MAEA: variants seen among roughly 807,000 people sequenced by gnomAD.
The protein encoded by MAEA is E3 ubiquitin-protein transferase MAEA.
A neutral mutation model predicts 46.2 loss-of-function variants in MAEA; 22 were observed. The observed-to-expected ratio is 0.48, with a 90% confidence interval of 0.34 to 0.68. The LOEUF (loss-of-function observed/expected upper bound fraction) is 0.68. MAEA is among the 30% of genes least tolerant of loss of function. The pLI is 0.01. For missense variants in MAEA, 393 were observed against 558.1 expected (o/e 0.70, Z 2.98); for synonymous variants, 246 against 222.6 (o/e 1.11, Z -0.94).
Position 1,323,038 on chromosome 4 carries a change from C to T in MAEA, c.579+535C>T, listed in dbSNP as rs572604098. Among the ~76,000 whole-genome samples, 15 of 144,178 alleles carry T rather than the reference C, an allele frequency of 1.0e-4. No homozygotes were observed. The South Asian group carries it at 1.3e-3, about 13-fold the overall frequency. The allele number at this position is 144,178 out of a possible 152,430, so 94.6% of individuals were successfully genotyped here. A position where few individuals can be genotyped will look rare whatever the true frequency, so the allele number is the denominator to read the frequency against. On this transcript the variant is annotated intron_variant, in intron 4 of 8. Coordinates refer to ENST00000303400, the MANE Select transcript of MAEA (RefSeq NM_001017405.3). ...GGCACGATCTTGGCTCACTTGCCTC[C>T]GGTGTTCAAGCGATTCTCTTGCCTT... is the stretch of plus-strand genomic sequence containing the variant.
intron 1 of MAEA, among the ~76,000 whole-genome samples, chr4:1,293,235 T>C (rs1466802431): frequency 2.0e-5 from 3 of 151,718 alleles, no homozygotes; most frequent in African/African-American, 7.3e-5. Flanking sequence ...ATTATAAAAG[T>C]AATTTGATGA....
Position 1,332,800 on chromosome 4 carries a change from G to A in MAEA, c.700G>A (p.Asp234Asn). The A allele has an allele frequency of 3.7e-6, 6 of 1,613,350 alleles. No individual in the cohort carries two copies. Among genetic ancestry groups the A allele is most frequent in the Non-Finnish European group, 5.1e-6 (6 of 1,179,804 alleles). The change falls in exon 6 of 9, where the codon GAC (aspartate) becomes AAC (asparagine). Residue 234 changes from aspartate (D) to asparagine (N), a missense_variant. Coordinates refer to ENST00000303400, the MANE Select transcript of MAEA (RefSeq NM_001017405.3). ...HFSQAEGSQL[D>N]EVRQAMGMLA... ...CAGCCAAGCAGAAGGGAGCCAGCTG[G>A]ACGAGGTGCGCCAGGCCATGGGCAT...
At chr4:1,313,416 C>A (rs1435313025) in intron 2 of MAEA, among the ~76,000 whole-genome samples, 1 of 152,142 alleles carries the variant, frequency 6.6e-6, no homozygotes, top group Non-Finnish European at 1.5e-5. Context: ...CTGCCAGGTG[C>A]CACACCTTAC....
intron 4 of MAEA, among the ~76,000 whole-genome samples, chr4:1,326,600 C>T (rs1738850285): frequency 6.6e-6 from 1 of 152,174 alleles, no homozygotes; most frequent in African/African-American, 2.4e-5. Context: ...ACATGTGGGA[C>T]TTGGTCCTGC....
rs182955636 is a variant in MAEA at position 1,334,622 on chromosome 4, G to C, written c.765+1757G>C. On this transcript the variant is annotated intron_variant, in intron 6 of 8. Transcript: ENST00000303400. Reference sequence around the variant, plus strand: ...TGCACCTCTCACCGGACGCAGCCCTGCAGTGTGGTAAAGAGGGAGGCAGGC... The same window carrying C: ...TGCACCTCTCACCGGACGCAGCCCTCCAGTGTGGTAAAGAGGGAGGCAGGC... 6.2e-3 allele frequency among the ~76,000 whole-genome samples: 945 copies of C among 152,368 alleles called. 12 individuals are homozygous for C. The highest frequency in any genetic ancestry group is 6.6e-3 in the Non-Finnish European group (451 of 68,036).
At position 1,338,578 on chromosome 4, in the gene MAEA, G is replaced by C; in HGVS notation, c.1056G>C (p.Pro352=). Residue 352 remains proline (P), a synonymous_variant, in exon 8 of 9, where the codon CCG becomes CCC. Coordinates refer to ENST00000303400, the MANE Select transcript of MAEA (RefSeq NM_001017405.3). ...ISGDVMNENN[P]PMMLPNGYVY... ...GCGACGTGATGAACGAGAACAATCC[G>C]CCCATGATGCTGCCCAACGGCTACG... is the stretch of plus-strand genomic sequence containing the variant. 6.2e-7 allele frequency: 1 copy of C among 1,612,888 alleles called. No homozygotes were observed. Among genetic ancestry groups the C allele is most frequent in the Non-Finnish European group, 8.5e-7 (1 of 1,179,876 alleles).
At chr4:1,314,817 G>C (rs986550530) in intron 2 of MAEA, among the ~76,000 whole-genome samples, 1 of 152,232 alleles carries the variant, frequency 6.6e-6, no homozygotes, top group African/African-American at 2.4e-5. Flanking sequence ...AAAATTGGTA[G>C]AATGTGCTGA....
chr4:1,318,777 C>T (rs900111150), intron 3 of MAEA, among the ~76,000 whole-genome samples: 2 of 152,172 alleles, frequency 1.3e-5, no homozygotes, highest in African/African-American at 2.4e-5. Context: ...GGAATTCCCA[C>T]GTGGGACCCC....
At chr4:1,302,115 ACTAAGAAAAT>A (rs1476564857) in intron 1 of MAEA, among the ~76,000 whole-genome samples, 1 of 151,560 alleles carries the variant, frequency 6.6e-6, no homozygotes, top group Admixed American at 6.6e-5. Context: ...ATCTTAGAAA[ACTAAGAAAAT>A]CTAAGAAAAC....
Position 1,305,733 on chromosome 4 carries a change from G to T in MAEA, c.70-6246G>T, listed in dbSNP as rs568484854. 2.1e-3 allele frequency among the ~76,000 whole-genome samples: 317 copies of T among 152,244 alleles called. 4 individuals are homozygous for T. The highest frequency in any genetic ancestry group is 7.4e-3 in the African/African-American group (306 of 41,552). On this transcript the variant is annotated intron_variant, in intron 1 of 8. Transcript: ENST00000303400. The stretch of plus-strand genomic sequence containing the variant: ...CACCCACATGTGTGTGTGCGCACGC[G>T]TGTGTGGGAGTGTGCGTGCGTGCAC...
chr4:1,314,220 G>C (rs982370914), intron 2 of MAEA, among the ~76,000 whole-genome samples: 1 of 151,826 alleles, frequency 6.6e-6, no homozygotes, highest in African/African-American at 2.4e-5. Context: ...CCAGCTACTC[G>C]GGAGGCTGAG....
intron 5 of MAEA, chr4:1,329,403 C>T: frequency 1.0e-6 from 1 of 985,460 alleles, no homozygotes; most frequent in Non-Finnish European, 1.2e-6. Context: ...AATGTCTGAG[C>T]CGAGCTCAGA....
Position 1,339,354 on chromosome 4 carries a change from C to T in MAEA, c.*185C>T, listed in dbSNP as rs1415963867. The stretch of plus-strand genomic sequence containing the variant: ...GGTTTCATAAGTTTGTACTTGAAAA[C>T]ATTTGGATTGGTAGGATTTTGTAAC... On this transcript the variant is annotated 3_prime_UTR_variant, in exon 9 of 9. Transcript: ENST00000303400. 1.2e-5 allele frequency: 7 copies of T among 584,770 alleles called. No individual in the cohort carries two copies. The East Asian group carries it at 1.7e-4, about 14-fold the overall frequency. The allele number at this position is 584,770 out of a possible 1,614,324, so 36.2% of individuals were successfully genotyped here.
chr4:1,313,101 G>A (rs1011288793), intron 2 of MAEA, among the ~76,000 whole-genome samples: 3 of 152,200 alleles, frequency 2.0e-5, no homozygotes, highest in Non-Finnish European at 2.9e-5. Flanking sequence ...GTGGACTGGC[G>A]TTGACACAGC....
rs371622498 is a variant in MAEA, at chr4:1,289,895, A to G, written c.-19A>G. ...GCGCTCGCGCGTCCCCCGCCCGCTA[A>G]TGTTTTGGCCGCTTCAAGATGGCGG... On this transcript the variant is annotated 5_prime_UTR_variant, in exon 1 of 9. It removes an upstream start codon present in the reference 5' UTR. Transcript: ENST00000303400. 1.3e-6 allele frequency: 2 copies of G among 1,589,302 alleles called. No individual in the cohort carries two copies. The highest frequency in any genetic ancestry group is 1.7e-5 in the Admixed American group (1 of 58,364).
At chr4:1,297,319 G>T (rs1734833714) in intron 1 of MAEA, among the ~76,000 whole-genome samples, 1 of 152,222 alleles carries the variant, frequency 6.6e-6, no homozygotes, top group South Asian at 2.1e-4. Context: ...GGGTAAGGGG[G>T]AATCAGTGCC....
chr4:1,312,054 A>G lies in MAEA; in HGVS notation c.145A>G (p.Met49Val). 1 of 1,613,996 alleles carries G rather than the reference A, an allele frequency of 6.2e-7. No homozygotes were observed. Among genetic ancestry groups the G allele is most frequent in the East Asian group, 2.2e-5 (1 of 44,884 alleles). ...TGACCGGGAGACCAGCCACGTCACCATGGTGGTGGCCGAGCTGGAGAAGAC... is the reference window on the plus strand; with the variant it reads ...TGACCGGGAGACCAGCCACGTCACCGTGGTGGTGGCCGAGCTGGAGAAGAC... The part of the protein sequence containing the change: ...NIDRETSHVT[M>V]VVAELEKTLS... Residue 49 changes from methionine (M) to valine (V), a missense_variant, in exon 2 of 9, where the codon ATG (methionine) becomes GTG (valine). Physicochemically the swap from Met to Val is conservative, Grantham distance 21. This residue lies in a region of MAEA where 358 missense variants were observed against 537.9 expected (regional missense o/e 0.67). Coordinates refer to ENST00000303400, the MANE Select transcript of MAEA (RefSeq NM_001017405.3).
chr4:1,308,589 G>C (rs1169082312), intron 1 of MAEA, among the ~76,000 whole-genome samples: 1 of 152,238 alleles, frequency 6.6e-6, no homozygotes, highest in South Asian at 2.1e-4. Flanking sequence ...CATAGCTTTC[G>C]GTGTTGAGTG....
chr4:1,307,610 G>A (rs1352424122), intron 1 of MAEA, among the ~76,000 whole-genome samples: 2 of 152,344 alleles, frequency 1.3e-5, no homozygotes, highest in Non-Finnish European at 2.9e-5. Flanking sequence ...TGGCTTGTGT[G>A]ATTACAGAGG....
Sources: gnomAD v4.1 joint callset for allele counts (sites outside exome capture counted in the v4.1 genomes callset) on GRCh38, gnomAD v4.1.1 for gene constraint, gnomAD v4.1.1 regional missense constraint, MANE v1.5 for transcripts, NCBI Gene and HGNC (gene_info 2026-07-23, HGNC 2026-07-21) for gene names.